Variants in ERO1A observed in about 807,000 individuals in gnomAD.
ERO1A encodes ERO1-like protein alpha.
Under a neutral mutation model 76.9 loss-of-function variants are expected in ERO1A, and 49 were observed. The observed-to-expected ratio is 0.64, with a 90% CI of 0.51 to 0.81. The LOEUF (loss-of-function observed/expected upper bound fraction) is 0.81. Among genes scored for constraint, ERO1A ranks in the 30% least tolerant of loss-of-function variants. The pLI is 0.00. For synonymous variants in ERO1A, 174 were observed against 181.2 expected (o/e 0.96, Z 0.32); for missense variants, 448 against 542.1 (o/e 0.83, Z 1.72).
rs543566987 is a variant in ERO1A, at chr14:52,693,771, T to C, written c.114+1597A>G. Among the ~76,000 whole-genome samples the C allele has an allele frequency of 3.9e-4, 60 of 152,204 alleles. 1 individual carries two copies. The highest frequency in any genetic ancestry group is 1.4e-3 in the African/African-American group (60 of 41,522). ...CCTCAGCCTCCCAAAGTGCTGGGATTACAGGCTGGAGCCACCACACCCAGC... is the reference window on the plus strand; with the variant it reads ...CCTCAGCCTCCCAAAGTGCTGGGATCACAGGCTGGAGCCACCACACCCAGC... On this transcript the variant is annotated intron_variant, in intron 1 of 15. Coordinates refer to ENST00000395686, the MANE Select transcript of ERO1A (RefSeq NM_014584.3).
intron 9 of ERO1A, among the ~76,000 whole-genome samples, chr14:52,660,589 T>A (rs1339707776): frequency 6.6e-6 from 1 of 152,186 alleles, no homozygotes; most frequent in East Asian, 1.9e-4. Context: ...AATAGCATTG[T>A]TATCAGACTT....
intron 13 of ERO1A, among the ~76,000 whole-genome samples, chr14:52,649,210 A>G (rs1028846827): frequency 1.3e-5 from 2 of 152,222 alleles, no homozygotes; most frequent in African/African-American, 4.8e-5. Context: ...AGTGAAACCA[A>G]CTGACCAATT....
At position 52,649,949 on chromosome 14, in the gene ERO1A, C is replaced by T. The variant is rs192516740; in HGVS notation, c.1125+2290G>A. Among the ~76,000 whole-genome samples the T allele has an allele frequency of 3.2e-3, 493 of 152,214 alleles. 1 individual carries two copies. The highest frequency in any genetic ancestry group is 6.8e-3 in the Middle Eastern group (2 of 294). On this transcript the variant is annotated intron_variant, in intron 13 of 15. Coordinates refer to ENST00000395686, the MANE Select transcript of ERO1A (RefSeq NM_014584.3). ...GAAATCAGGCTGGGTATGGTGGTGG[C>T]TCACACCTGTACTCCCAGCACTTTT...
At chr14:52,649,327 T>C (rs553617360) in intron 13 of ERO1A, among the ~76,000 whole-genome samples, 17 of 152,230 alleles carry the variant, frequency 1.1e-4, no homozygotes, top group Non-Finnish European at 2.1e-4. Flanking sequence ...TTTCTAACCA[T>C]ACATTGATAG....
Position 52,646,254 on chromosome 14 carries a change from A to T in ERO1A, c.1246T>A (p.Phe416Ile). 1 of 1,613,934 alleles carries T rather than the reference A, an allele frequency of 6.2e-7. No homozygotes were observed. Among genetic ancestry groups the T allele is most frequent in the Non-Finnish European group, 8.5e-7 (1 of 1,179,936 alleles). The change falls in exon 15 of 16, where the codon TTT (phenylalanine) becomes ATT (isoleucine). Residue 416 changes from phenylalanine (F) to isoleucine (I), a missense_variant. Coordinates refer to ENST00000395686, the MANE Select transcript of ERO1A (RefSeq NM_014584.3). ...ATATTTGCTATCAATTTCTCAGAAA[A>T]TAAGATCTTCAGAGCAGTGCCCAAA... ...QGLGTALKIL[F>I]SEKLIANMPE...
In ERO1A at chr14:52,643,382, T is replaced by C. The variant is rs2039538009; in HGVS notation, c.*188A>G. ...ATTAAAGTATTACTTTTACTCACAG[T>C]AGTATTATACATAGACTTAACACAA... On this transcript the variant is annotated 3_prime_UTR_variant, in exon 16 of 16. Transcript: ENST00000395686. The C allele has an allele frequency of 2.4e-6, 1 of 418,454 alleles. No homozygotes were observed. The allele number at this position is 418,454 out of a possible 1,614,324, so 25.9% of individuals were successfully genotyped here. A position where few individuals can be genotyped will look rare whatever the true frequency, so the allele number is the denominator to read the frequency against.
At chr14:52,669,763 T>C (rs904373388) in intron 6 of ERO1A, among the ~76,000 whole-genome samples, 3 of 152,224 alleles carry the variant, frequency 2.0e-5, no homozygotes, top group Non-Finnish European at 4.4e-5. Flanking sequence ...TAAGGAATTA[T>C]AACTAAGTAT....
chr14:52,674,641 G>T (rs573423304), intron 4 of ERO1A, among the ~76,000 whole-genome samples: 1 of 152,324 alleles, frequency 6.6e-6, no homozygotes, highest in East Asian at 1.9e-4. Context: ...GTGTGTACAA[G>T]AAAACATGGA....
intron 4 of ERO1A, among the ~76,000 whole-genome samples, chr14:52,673,359 G>A (rs1209987017): frequency 2.0e-5 from 3 of 152,136 alleles, no homozygotes; most frequent in Non-Finnish European, 4.4e-5. Context: ...AAAAGTGCTG[G>A]GATTACAGGC....
chr14:52,663,819 G>T lies in ERO1A; in HGVS notation c.658C>A (p.Pro220Thr). Reference protein sequence around the residue: ...KPQTIKRPLNPLASGQGTSEE... With the variant: ...KPQTIKRPLNTLASGQGTSEE... Reference sequence around the variant, plus strand: ...AATTTACCTTGACCAGAAGCCAAAGGATTTAAAGGTCTTTTAATTGTCTGT... The same window carrying T: ...AATTTACCTTGACCAGAAGCCAAAGTATTTAAAGGTCTTTTAATTGTCTGT... Residue 220 changes from proline to threonine, a missense_variant, in exon 8 of 16, where the codon CCT (proline) becomes ACT (threonine). By Grantham distance (38) the Pro-to-Thr change is conservative. This residue lies in a region of ERO1A where 302 missense variants were observed against 411.9 expected (regional missense o/e 0.73). Transcript: ENST00000395686. The T allele has an allele frequency of 1.3e-6, 2 of 1,570,420 alleles. No individual in the cohort carries two copies. Among genetic ancestry groups the T allele is most frequent in the Non-Finnish European group, 8.7e-7 (1 of 1,143,022 alleles).
chr14:52,669,500 G>C (rs2040525383), intron 6 of ERO1A, among the ~76,000 whole-genome samples: 1 of 152,064 alleles, frequency 6.6e-6, no homozygotes, highest in Non-Finnish European at 1.5e-5. Context: ...CTTGATATAG[G>C]TCTATACCCC....
At chr14:52,677,309 T>C (rs1032550811) in intron 4 of ERO1A, among the ~76,000 whole-genome samples, 2 of 152,098 alleles carry the variant, frequency 1.3e-5, no homozygotes, top group African/African-American at 4.8e-5. Flanking sequence ...AGATTATATG[T>C]TGGTATAACA....
chr14:52,660,665 AT>A (rs1189988498), intron 9 of ERO1A, among the ~76,000 whole-genome samples: 1 of 152,228 alleles, frequency 6.6e-6, no homozygotes, highest in African/African-American at 2.4e-5. Context: ...AAAATAGAGG[AT>A]TTTGAGGGAA....
At chr14:52,684,118 G>GACACACACACAC (rs60355765) in intron 1 of ERO1A, among the ~76,000 whole-genome samples, 8,215 of 134,304 alleles carry the variant, frequency 0.061, 302 homozygotes, top group South Asian at 0.084. Flanking sequence ...CAGAGCTCAT[G>GACACACACACAC]ACACACACAC....
intron 6 of ERO1A, among the ~76,000 whole-genome samples, chr14:52,668,302 T>C (rs1280111421): frequency 1.3e-5 from 2 of 152,088 alleles, no homozygotes; most frequent in Non-Finnish European, 2.9e-5. Flanking sequence ...TCCCAGAACT[T>C]TGGGAGGCTG....
intron 1 of ERO1A, among the ~76,000 whole-genome samples, chr14:52,694,210 G>A (rs1389327509): frequency 6.6e-6 from 1 of 151,902 alleles, no homozygotes; most frequent in Non-Finnish European, 1.5e-5. Flanking sequence ...CTAATCAGAA[G>A]AAAAATGACC....
intron 11 of ERO1A, among the ~76,000 whole-genome samples, chr14:52,655,354 G>A (rs1355806891): frequency 1.3e-5 from 2 of 151,202 alleles, no homozygotes; most frequent in African/African-American, 4.9e-5. Flanking sequence ...GACAGAGCAA[G>A]ACTCTGTCTC....
At position 52,695,512 on chromosome 14, in the gene ERO1A, T is replaced by A; in HGVS notation, c.-31A>T. On this transcript the variant is annotated 5_prime_UTR_variant, in exon 1 of 16. Coordinates refer to ENST00000395686, the MANE Select transcript of ERO1A (RefSeq NM_014584.3). ...CTCCGGCAGCTTGTCGCCCCACGCT[T>A]GGGAGGCCAGTCCGCACGCTCGGTC... 6.9e-7 allele frequency: 1 copy of A among 1,441,414 alleles called. No individual in the cohort carries two copies. Among genetic ancestry groups the A allele is most frequent in the East Asian group, 2.9e-5 (1 of 34,844 alleles). The allele number at this position is 1,441,414 out of a possible 1,614,324, so 89.3% of individuals were successfully genotyped here. A position where few individuals can be genotyped will look rare whatever the true frequency, so the allele number is the denominator to read the frequency against.
In ERO1A at chr14:52,643,488, G is replaced by A; in HGVS notation, c.*82C>T. On this transcript the variant is annotated 3_prime_UTR_variant, in exon 16 of 16. Coordinates refer to ENST00000395686, the MANE Select transcript of ERO1A (RefSeq NM_014584.3). ...TATATAAAATGTTTGGCTTAAGACT[G>A]TCATTGCTATTATGCCTTTGAATGA... is the stretch of plus-strand genomic sequence containing the variant. 1.1e-6 allele frequency: 1 copy of A among 888,942 alleles called. No homozygotes were observed. The highest frequency in any genetic ancestry group is 1.7e-6 in the Non-Finnish European group (1 of 601,556). The allele number at this position is 888,942 out of a possible 1,614,324, so 55.1% of individuals were successfully genotyped here.
Sources: gnomAD v4.1 joint callset for allele counts (sites outside exome capture counted in the v4.1 genomes callset) on GRCh38, gnomAD v4.1.1 for gene constraint, gnomAD v4.1.1 regional missense constraint, MANE v1.5 for transcripts, NCBI Gene and HGNC (gene_info 2026-07-23, HGNC 2026-07-21) for gene names.